The following TESK2 variants were observed in gnomAD, a reference collection of about 807,000 sequenced individuals.
TESK2 encodes testis associated actin remodelling kinase 2, also known as dual specificity testis-specific protein kinase 2.
TESK2 carries 39 observed loss-of-function variants against 57.1 expected under a neutral mutation model. The ratio of observed to expected loss-of-function variants is 0.68; its 90% CI spans 0.53 to 0.89. The LOEUF is 0.89. Ranked by LOEUF, TESK2 falls within the 40% of genes least tolerant of loss-of-function variation. The pLI is 0.00. For missense variants in TESK2, 646 were observed against 732.1 expected (o/e 0.88, Z 1.36); for synonymous variants, 249 against 267.9 (o/e 0.93, Z 0.69).
intron 2 of TESK2, among the ~76,000 whole-genome samples, chr1:45,438,585 G>A (rs1651318849): frequency 6.6e-6 from 1 of 152,134 alleles, no homozygotes; most frequent in Admixed American, 6.6e-5. Flanking sequence ...ATGCAGATTT[G>A]TTACATAGGT....
chr1:45,367,656 ATT>A lies in TESK2; in HGVS notation c.394-12209_394-12208del, dbSNP rs549920468. Reference sequence around the variant, plus strand: ...GAGCCACTGCATCTGGTCACAAAGCATTTTTTTTTTTTTTTTTTGAGATGGAG... The same window carrying A: ...GAGCCACTGCATCTGGTCACAAAGCATTTTTTTTTTTTTTTTGAGATGGAG... On this transcript the variant is annotated intron_variant, in intron 4 of 10. Coordinates refer to ENST00000372086, the MANE Select transcript of TESK2 (RefSeq NM_007170.3). 1.2e-3 allele frequency among the ~76,000 whole-genome samples: 147 copies of A among 125,210 alleles called. No individual in the cohort carries two copies. The East Asian group carries it at 0.014, about 12-fold the overall frequency. 82.1% of individuals were successfully genotyped at this position (125,210 alleles called of 152,430 possible). A position where few individuals can be genotyped will look rare whatever the true frequency, so the allele number is the denominator to read the frequency against.
In TESK2 at chr1:45,344,262, T is replaced by G. The variant is rs1164997302; in HGVS notation, c.*578A>C. 2 of 158,352 alleles carry G rather than the reference T, an allele frequency of 1.3e-5. No homozygotes were observed. The highest frequency in any genetic ancestry group is 4.8e-5 in the African/African-American group (2 of 41,498). 9.8% of individuals were successfully genotyped at this position (158,352 alleles called of 1,614,324 possible). On this transcript the variant is annotated 3_prime_UTR_variant, in exon 11 of 11. Coordinates refer to ENST00000372086, the MANE Select transcript of TESK2 (RefSeq NM_007170.3). ...GGAAAAGGTCTTTGAATAGGTTAGCTAAGAGCCATGACCACCACGCTGCCT... is the reference window on the plus strand; with the variant it reads ...GGAAAAGGTCTTTGAATAGGTTAGCGAAGAGCCATGACCACCACGCTGCCT...
intron 1 of TESK2, among the ~76,000 whole-genome samples, chr1:45,472,233 C>G (rs1652796532): frequency 7.5e-6 from 1 of 133,292 alleles, no homozygotes; most frequent in Admixed American, 8.0e-5. Context: ...GCCTGGGCGA[C>G]AGAGCAAGAC....
At chr1:45,398,106 C>T (rs1649440044) in intron 3 of TESK2, among the ~76,000 whole-genome samples, 2 of 151,950 alleles carry the variant, frequency 1.3e-5, no homozygotes, top group African/African-American at 4.8e-5. Context: ...ATGGGGTTTC[C>T]TTATGTTGTC....
intron 1 of TESK2, among the ~76,000 whole-genome samples, chr1:45,472,865 C>T (rs180732961): frequency 6.0e-5 from 9 of 151,096 alleles, no homozygotes; most frequent in African/African-American, 4.9e-5. Context: ...ATGCCGGGCG[C>T]GGTGGCTTAC....
chr1:45,422,759 T>TTTGTTGTTTGTTGTTGTTG (rs1650526508), intron 2 of TESK2, among the ~76,000 whole-genome samples: 1 of 146,890 alleles, frequency 6.8e-6, no homozygotes. Flanking sequence ...TGTCTGGTTT[T>TTTGTTGTTTGTTGTTGTTG]TTGTTGTTGT....
At position 45,421,791 on chromosome 1, in the gene TESK2, C is replaced by T; in HGVS notation, c.278G>A (p.Ser93Asn). ...VMALKMNTLS[S>N]NRANMLKEVQ... ...TTCTTTCAGCATGTTTGCCCGGTTACTGCTCAATGTGTTCATCTTAAGAGC... is the reference window on the plus strand; with the variant it reads ...TTCTTTCAGCATGTTTGCCCGGTTATTGCTCAATGTGTTCATCTTAAGAGC... The change falls in exon 3 of 11, where the codon AGT becomes AAT. Residue 93 changes from serine to asparagine, a missense_variant. Transcript: ENST00000372086. 1 of 1,614,104 alleles carries T rather than the reference C, an allele frequency of 6.2e-7. No homozygotes were observed. The highest frequency in any genetic ancestry group is 8.5e-7 in the Non-Finnish European group (1 of 1,180,006).
chr1:45,473,101 C>A (rs1399521383), intron 1 of TESK2, among the ~76,000 whole-genome samples: 1 of 151,078 alleles, frequency 6.6e-6, no homozygotes, highest in African/African-American at 2.4e-5. Flanking sequence ...TTGCAGTGAG[C>A]CGAGATCGTG....
intron 3 of TESK2, chr1:45,399,090 C>T: frequency 6.0e-6 from 2 of 332,844 alleles, no homozygotes; most frequent in South Asian, 2.4e-5. Context: ...AAAACATTGC[C>T]TTGTTCACAG....
intron 1 of TESK2, among the ~76,000 whole-genome samples, chr1:45,463,848 T>A (rs963839755): frequency 1.3e-5 from 2 of 152,118 alleles, no homozygotes; most frequent in East Asian, 3.9e-4. Flanking sequence ...CTCAGCCTCC[T>A]AAAGTGCTGG....
rs780159220 is a variant in TESK2, at chr1:45,418,255, T to C, written c.344+3470A>G. ...CTTAAGCTAGATATTACTTAAAATA[T>C]GATCATCTTAAAAATTCCTAAGCAG... is the stretch of plus-strand genomic sequence containing the variant. On this transcript the variant is annotated intron_variant, in intron 3 of 10. Transcript: ENST00000372086. Among the ~76,000 whole-genome samples the C allele has an allele frequency of 5.1e-4, 77 of 152,322 alleles. 1 individual carries two copies. Among genetic ancestry groups the C allele is most frequent in the Non-Finnish European group, 6.9e-4 (47 of 68,034 alleles).
intron 4 of TESK2, among the ~76,000 whole-genome samples, chr1:45,369,154 C>A (rs1011099728): frequency 1.3e-5 from 2 of 152,156 alleles, no homozygotes; most frequent in Non-Finnish European, 2.9e-5. Flanking sequence ...GTTTCTTCTA[C>A]CCTAGGAGTG....
chr1:45,460,819 A>G (rs1014119900), intron 1 of TESK2, among the ~76,000 whole-genome samples: 3 of 152,202 alleles, frequency 2.0e-5, no homozygotes, highest in Non-Finnish European at 4.4e-5. Flanking sequence ...CCAGTAGAAA[A>G]CATCAACTTC....
chr1:45,485,735 G>T (rs537725605), intron 1 of TESK2, among the ~76,000 whole-genome samples: 1 of 146,076 alleles, frequency 6.8e-6, no homozygotes, highest in African/African-American at 2.5e-5. Flanking sequence ...TGGCCAGGCT[G>T]GTCTCGAACT....
intron 4 of TESK2, among the ~76,000 whole-genome samples, chr1:45,375,862 T>C (rs1026568052): frequency 6.6e-6 from 1 of 152,226 alleles, no homozygotes; most frequent in Non-Finnish European, 1.5e-5. Context: ...TAAATATCTT[T>C]TGGATGAATA....
intron 4 of TESK2, among the ~76,000 whole-genome samples, chr1:45,362,548 G>A (rs929799876): frequency 1.3e-5 from 2 of 152,140 alleles, no homozygotes; most frequent in Non-Finnish European, 2.9e-5. Flanking sequence ...AACCAAATAA[G>A]CTTATCTCTG....
intron 2 of TESK2, among the ~76,000 whole-genome samples, chr1:45,446,013 C>T (rs577148090): frequency 6.6e-6 from 1 of 152,108 alleles, no homozygotes; most frequent in East Asian, 1.9e-4. Flanking sequence ...TCAGGAGAAA[C>T]AAAAACTTAA....
intron 4 of TESK2, among the ~76,000 whole-genome samples, chr1:45,373,939 C>G (rs111859890): frequency 3.9e-5 from 6 of 152,272 alleles, no homozygotes; most frequent in African/African-American, 1.4e-4. Flanking sequence ...GGGAATGATA[C>G]CACTTATCAA....
chr1:45,347,107 G>A lies in TESK2; in HGVS notation c.709-45C>T. 3 of 1,580,720 alleles carry A rather than the reference G, an allele frequency of 1.9e-6. No homozygotes were observed. The South Asian group carries it at 3.3e-5, about 18-fold the overall frequency. ...TGGTTTCCCTCTTAATGGGTTGAGG[G>A]GTAGGGTATCTGCCCCTGCCCCTGC... On this transcript the variant is annotated intron_variant, in intron 7 of 10. Coordinates refer to ENST00000372086, the MANE Select transcript of TESK2 (RefSeq NM_007170.3).
Sources: gnomAD v4.1 joint callset for allele counts (sites outside exome capture counted in the v4.1 genomes callset) on GRCh38, gnomAD v4.1.1 for gene constraint, MANE v1.5 for transcripts, NCBI Gene and HGNC (gene_info 2026-07-23, HGNC 2026-07-21) for gene names.